The following SPTLC3 variants were observed in gnomAD, a reference collection of about 807,000 sequenced individuals.
SPTLC3 encodes serine palmitoyltransferase long chain base subunit 3, also known as serine palmitoyltransferase 3.
A neutral mutation model predicts 59.3 loss-of-function variants in SPTLC3; 36 were observed. The ratio of observed to expected loss-of-function variants is 0.61; its 90% CI spans 0.47 to 0.80. The LOEUF (loss-of-function observed/expected upper bound fraction) is 0.80. Among genes scored for constraint, SPTLC3 ranks in the 30% least tolerant of loss-of-function variants. SPTLC3 has a pLI of 0.00. For missense variants in SPTLC3, 625 were observed against 685.1 expected (o/e 0.91, Z 0.98); for synonymous variants, 257 against 240.8 (o/e 1.07, Z -0.62).
intron 2 of SPTLC3, among the ~76,000 whole-genome samples, 183 bp from the exon 3 acceptor site, chr20:13,072,073 C>T (rs1988459637): frequency 6.6e-6 from 1 of 152,132 alleles, no homozygotes; most frequent in Admixed American, 6.5e-5. Flanking sequence ...TTTTCATTCC[C>T]CCACTAAAAG....
chr20:13,054,019 A>C (rs539678209), intron 2 of SPTLC3, among the ~76,000 whole-genome samples: 1 of 152,302 alleles, frequency 6.6e-6, no homozygotes, highest in South Asian at 2.1e-4. Flanking sequence ...TTTAATGAAA[A>C]CTTCTGGGTA....
rs542735343 is a variant in SPTLC3, at chr20:13,009,116, C to A, written c.-152C>A. ...TTCAACGATCTGACAAAAAGATAGG[C>A]TGTTGCTCTTCTTCTGGAAAAGCCT... On this transcript the variant is annotated 5_prime_UTR_variant, in exon 1 of 12. The change creates a new upstream start codon in the 5' untranslated region. Transcript: ENST00000399002. 10 of 655,330 alleles carry A rather than the reference C, an allele frequency of 1.5e-5. No individual in the cohort carries two copies. The highest frequency in any genetic ancestry group is 5.4e-5 in the African/African-American group (3 of 55,114). The allele number at this position is 655,330 out of a possible 1,614,324, so 40.6% of individuals were successfully genotyped here. A position where few individuals can be genotyped will look rare whatever the true frequency, so the allele number is the denominator to read the frequency against.
intron 4 of SPTLC3, among the ~76,000 whole-genome samples, chr20:13,083,249 TATC>T (rs1445470289): frequency 6.6e-6 from 1 of 152,162 alleles, no homozygotes; most frequent in Non-Finnish European, 1.5e-5. Flanking sequence ...ATGTTTCTAT[TATC>T]ATCCTTCAGG....
chr20:13,025,346 C>A lies in SPTLC3; in HGVS notation c.117+15962C>A, dbSNP rs75563256. 1.5e-3 allele frequency among the ~76,000 whole-genome samples: 225 copies of A among 152,278 alleles called. 1 individual carries two copies. Among genetic ancestry groups the A allele is most frequent in the African/African-American group, 5.0e-3 (208 of 41,560 alleles). On this transcript the variant is annotated intron_variant, in intron 1 of 11. Transcript: ENST00000399002. ...AATATCACGTAACCTCACCCTACAG[C>A]CTTATCACCCTAGTAACCTGAATCA...
At chr20:13,135,870 T>A (rs2038229605) in intron 9 of SPTLC3, among the ~76,000 whole-genome samples, 1 of 152,208 alleles carries the variant, frequency 6.6e-6, no homozygotes, top group African/African-American at 2.4e-5. Flanking sequence ...GCCAGGCTGG[T>A]GGGATAATCA....
rs376312661 is a variant in SPTLC3 at position 13,118,448 on chromosome 20, G to GAAAAAAAAAA, written c.1152+723_1152+724insAAAAAAAAAA. Among the ~76,000 whole-genome samples the GAAAAAAAAAA allele has an allele frequency of 2.2e-4, 24 of 108,718 alleles. 1 individual carries two copies. The highest frequency in any genetic ancestry group is 2.6e-4 in the Non-Finnish European group (14 of 54,638). 71.3% of individuals were successfully genotyped at this position (108,718 alleles called of 152,430 possible). A position where few individuals can be genotyped will look rare whatever the true frequency, so the allele number is the denominator to read the frequency against. On this transcript the variant is annotated intron_variant, in intron 8 of 11. Transcript: ENST00000399002. Reference sequence around the variant, plus strand: ...GTGCCAATATCACCAAGAGGTTTGTGGAAAAAAAAAACAAAAAAAAACAAT... The same window carrying GAAAAAAAAAA: ...GTGCCAATATCACCAAGAGGTTTGTGAAAAAAAAAAGAAAAAAAAAACAAAAAAAAACAAT...
chr20:13,089,956 T>C (rs1173259158), intron 4 of SPTLC3, among the ~76,000 whole-genome samples: 6 of 152,156 alleles, frequency 3.9e-5, no homozygotes, highest in Non-Finnish European at 4.4e-5. Flanking sequence ...AAATTTGCAG[T>C]TGGTGAAATG....
chr20:13,032,792 C>T (rs183901106), intron 1 of SPTLC3, among the ~76,000 whole-genome samples: 2 of 152,298 alleles, frequency 1.3e-5, no homozygotes, highest in East Asian at 3.9e-4. Context: ...CCTTGGCCCT[C>T]CTCAGATCCT....
chr20:13,049,746 G>A (rs1987395902), intron 2 of SPTLC3: 1 of 153,838 alleles, frequency 6.5e-6, no homozygotes, highest in African/African-American at 2.4e-5. Flanking sequence ...ATCCACTGCT[G>A]AGAGACCCAT....
intron 2 of SPTLC3, among the ~76,000 whole-genome samples, chr20:13,053,081 C>G (rs941619822): frequency 2.0e-5 from 3 of 152,204 alleles, no homozygotes; most frequent in African/African-American, 7.2e-5. Flanking sequence ...ATCCCTGACC[C>G]CCAGGCCTCC....
At chr20:13,051,183 C>T (rs1029653690) in intron 2 of SPTLC3, among the ~76,000 whole-genome samples, 11 of 151,270 alleles carry the variant, frequency 7.3e-5, no homozygotes, top group Admixed American at 2.0e-4. Flanking sequence ...CAACTATCTG[C>T]TGCCTTCAGG....
intron 3 of SPTLC3, among the ~76,000 whole-genome samples, chr20:13,072,996 T>C (rs1281659275): frequency 6.6e-6 from 1 of 152,282 alleles, no homozygotes; most frequent in Non-Finnish European, 1.5e-5. Context: ...ATATAAATTG[T>C]AAAGATCAAA....
At chr20:13,156,046 T>A (rs17263110) in intron 10 of SPTLC3, among the ~76,000 whole-genome samples, 35,378 of 152,046 alleles carry the variant, frequency 0.23, 4,470 homozygotes, top group South Asian at 0.44. Flanking sequence ...ACCATCTGAT[T>A]TTTGAAGACA....
intron 2 of SPTLC3, chr20:13,050,119 G>C (rs931724935): frequency 6.6e-6 from 1 of 152,156 alleles, no homozygotes; most frequent in Non-Finnish European, 1.5e-5. Context: ...AATTCAGGAG[G>C]TTATTAAGCT....
chr20:13,009,164 G>C lies in SPTLC3; in HGVS notation c.-104G>C, dbSNP rs990769413. On this transcript the variant is annotated 5_prime_UTR_variant, in exon 1 of 12. Transcript: ENST00000399002. ...CCTGATTGGTAAGATTCCTTTAAGG[G>C]CTCAGCCCCAAAGAGCTTTATCCCA... The C allele has an allele frequency of 2.4e-5, 20 of 822,490 alleles. No individual in the cohort carries two copies. The highest frequency in any genetic ancestry group is 6.9e-5 in the Admixed American group (3 of 43,744). The allele number at this position is 822,490 out of a possible 1,614,324, so 50.9% of individuals were successfully genotyped here. A position where few individuals can be genotyped will look rare whatever the true frequency, so the allele number is the denominator to read the frequency against.
chr20:13,074,525 T>C, intron 4 of SPTLC3, 28 bp downstream of exon 4: 2 of 1,589,096 alleles, frequency 1.3e-6, no homozygotes, highest in Non-Finnish European at 1.7e-6. Flanking sequence ...TTTGAAACTT[T>C]TTGCTGTTAG....
At chr20:13,024,929 A>G (rs1411730856) in intron 1 of SPTLC3, among the ~76,000 whole-genome samples, 2 of 152,234 alleles carry the variant, frequency 1.3e-5, no homozygotes, top group Non-Finnish European at 2.9e-5. Flanking sequence ...ACATGAAGAA[A>G]GCAAAGGCCA....
chr20:13,016,753 C>T (rs1472452240), intron 1 of SPTLC3, among the ~76,000 whole-genome samples: 1 of 152,048 alleles, frequency 6.6e-6, no homozygotes, highest in South Asian at 2.1e-4. Context: ...CATCAAGCTC[C>T]AATAGCTAAT....
intron 8 of SPTLC3, among the ~76,000 whole-genome samples, chr20:13,121,421 G>A (rs375892691): frequency 2.6e-5 from 4 of 152,282 alleles, no homozygotes; most frequent in East Asian, 1.9e-4. Flanking sequence ...AAGTAAGCAG[G>A]GGTCAGGGAG....
Sources: allele counts gnomAD v4.1 joint callset (sites outside exome capture counted in the v4.1 genomes callset), GRCh38; gene constraint gnomAD v4.1.1; transcripts MANE v1.5; gene names NCBI Gene and HGNC (gene_info 2026-07-23, HGNC 2026-07-21).